The following CLCA4 variants were observed in gnomAD, a reference collection of about 807,000 sequenced individuals.
CLCA4 encodes the protein calcium-activated chloride channel regulator 4.
Under a neutral mutation model 78.9 loss-of-function variants are expected in CLCA4, and 69 were observed. The ratio of observed to expected loss-of-function variants is 0.87; its 90% CI spans 0.72 to 1.07. CLCA4 has a LOEUF of 1.07. Ranked by LOEUF, CLCA4 falls within the 50% of genes least tolerant of loss-of-function variation. CLCA4 has a pLI of 0.00. For missense variants in CLCA4, 1,133 were observed against 1,095.8 expected, an observed-to-expected ratio of 1.03 and a Z score of -0.48; for synonymous variants, 362 against 375.8, an observed-to-expected ratio of 0.96 and a Z score of 0.42.
Position 86,560,324 on chromosome 1 carries a change from A to T in CLCA4, c.414A>T (p.Leu138=). The change falls in exon 3 of 14, where the codon CTA becomes CTT. Residue 138 remains leucine (L), a synonymous_variant. Coordinates refer to ENST00000370563, the MANE Select transcript of CLCA4 (RefSeq NM_012128.4). Reference sequence around the variant, plus strand: ...ACATTCACTTCACCCCTGACCTTCTACTTGGAAAAAAACAAAATGAATATG... The same window carrying T: ...ACATTCACTTCACCCCTGACCTTCTTCTTGGAAAAAAACAAAATGAATATG... ...GEYIHFTPDL[L]LGKKQNEYGP... 1 of 1,613,922 alleles carries T rather than the reference A, an allele frequency of 6.2e-7. No individual in the cohort carries two copies. Among genetic ancestry groups the T allele is most frequent in the Non-Finnish European group, 8.5e-7 (1 of 1,179,902 alleles).
rs1650679055 is a variant in CLCA4 at position 86,580,327 on chromosome 1, T to G, written c.2742T>G (p.Ile914Met). The change falls in exon 14 of 14, where the codon ATT becomes ATG. Residue 914 changes from isoleucine to methionine, a missense_variant. Coordinates refer to ENST00000370563, the MANE Select transcript of CLCA4 (RefSeq NM_012128.4). ...VIGSVVIVNF[I>M]LSTTI ...GGTCTGTTGTAATTGTTAACTTTAT[T>G]TTAAGTACCACCATTTGAACCTTAA... 6.3e-7 allele frequency: 1 copy of G among 1,591,782 alleles called. No individual in the cohort carries two copies. The highest frequency in any genetic ancestry group is 8.5e-7 in the Non-Finnish European group (1 of 1,172,014).
intron 1 of CLCA4, among the ~76,000 whole-genome samples, chr1:86,553,776 A>T (rs1208189047): frequency 6.6e-6 from 1 of 152,096 alleles, no homozygotes; most frequent in East Asian, 1.9e-4. Flanking sequence ...CTCTACTAAA[A>T]AATACAAAAA....
chr1:86,567,390 T>C, intron 6 of CLCA4, 34 bp from the exon 7 acceptor site: 1 of 1,527,754 alleles, frequency 6.5e-7, no homozygotes, highest in Non-Finnish European at 8.9e-7. Context: ...CCAGTCAAAA[T>C]CACTTGTTTG....
At chr1:86,579,609 A>G in intron 13 of CLCA4, 22 bp downstream of exon 13, 1 of 1,235,044 alleles carries the variant, frequency 8.1e-7, no homozygotes, top group South Asian at 1.2e-5. Flanking sequence ...GTGTCATGTG[A>G]TTTTGACTTA....
chr1:86,576,735 A>G (rs1285818903), intron 11 of CLCA4, among the ~76,000 whole-genome samples: 3 of 152,030 alleles, frequency 2.0e-5, no homozygotes, highest in African/African-American at 7.2e-5. Flanking sequence ...GCCCAGAGGC[A>G]GCTAGCACTG....
chr1:86,550,489 G>A (rs1008384035), intron 1 of CLCA4, among the ~76,000 whole-genome samples: 2 of 151,924 alleles, frequency 1.3e-5, no homozygotes, highest in African/African-American at 4.8e-5. Flanking sequence ...ATTTTACAAT[G>A]TTTCCTGACA....
chr1:86,580,297 G>A lies in CLCA4; in HGVS notation c.2712G>A (p.Val904=). ...ATATTTCTACGCTGGTATTGTCTGT[G>A]ATTGGGTCTGTTGTAATTGTTAACT... is the stretch of plus-strand genomic sequence containing the variant. ...GVNISTLVLS[V]IGSVVIVNFI... The change falls in exon 14 of 14, where the codon GTG becomes GTA. Residue 904 remains valine, a synonymous_variant. Coordinates refer to ENST00000370563, the MANE Select transcript of CLCA4 (RefSeq NM_012128.4). 6.2e-7 allele frequency: 1 copy of A among 1,609,942 alleles called. No homozygotes were observed. Among genetic ancestry groups the A allele is most frequent in the Non-Finnish European group, 8.5e-7 (1 of 1,178,500 alleles).
At chr1:86,554,902 G>T (rs1389939709) in intron 1 of CLCA4, among the ~76,000 whole-genome samples, 2 of 150,732 alleles carry the variant, frequency 1.3e-5, no homozygotes, top group Non-Finnish European at 2.9e-5. Context: ...ATTCTAACTG[G>T]TATGAGATGA....
intron 1 of CLCA4, among the ~76,000 whole-genome samples, chr1:86,554,457 G>T (rs1649770377): frequency 6.6e-6 from 1 of 152,042 alleles, no homozygotes; most frequent in Non-Finnish European, 1.5e-5. Flanking sequence ...TAGAGATGGG[G>T]TTTCACCATG....
At chr1:86,556,363 T>G (rs1649843583) in intron 1 of CLCA4, among the ~76,000 whole-genome samples, 1 of 152,210 alleles carries the variant, frequency 6.6e-6, no homozygotes, top group African/African-American at 2.4e-5. Flanking sequence ...TCTCATTATT[T>G]TGAGGTATTT....
At chr1:86,552,982 T>C (rs1189245522) in intron 1 of CLCA4, 2 of 625,544 alleles carry the variant, frequency 3.2e-6, no homozygotes, top group Non-Finnish European at 5.8e-6. Context: ...AACTGAGCCC[T>C]GTGCGTGGCC....
rs750877676 is a variant in CLCA4, at chr1:86,579,429, C to A, written c.2198C>A (p.Thr733Lys). ...TQTTLEDFSR[T>K]ASGGAFVVSQ... ...ACCACCTTGGAGGATTTCAGCCGAA[C>A]AGCATCCGGAGGTGCATTTGTGGTA... The change falls in exon 13 of 14, where the codon ACA becomes AAA. Residue 733 changes from threonine to lysine, a missense_variant. Coordinates refer to ENST00000370563, the MANE Select transcript of CLCA4 (RefSeq NM_012128.4). 4 of 1,613,196 alleles carry A rather than the reference C, an allele frequency of 2.5e-6. No individual in the cohort carries two copies. In the East Asian group the frequency reaches 8.9e-5, roughly 36 times the overall value.
rs780106406 is a variant in CLCA4 at position 86,563,718 on chromosome 1, A to G, written c.506A>G (p.Asn169Ser). Residue 169 changes from asparagine to serine, a missense_variant, in exon 4 of 14, where the codon AAT becomes AGT. Physicochemically the swap from Asn to Ser is conservative, Grantham distance 46. Transcript: ENST00000370563. ...HLRWGVFDEYNEDQPFYRAKS... is the reference protein window; with the variant it reads ...HLRWGVFDEYSEDQPFYRAKS... ...CGGTGGGGAGTGTTTGATGAGTACA[A>G]TGAAGATCAGCCTTTCTACCGTGCT... The G allele has an allele frequency of 5.0e-6, 8 of 1,610,994 alleles. No individual in the cohort carries two copies. Among genetic ancestry groups the G allele is most frequent in the Non-Finnish European group, 6.8e-6 (8 of 1,178,172 alleles).
rs749920379 is a variant in CLCA4, at chr1:86,567,456, A to G, written c.987A>G (p.Ala329=). The change falls in exon 7 of 14, where the codon GCA becomes GCG. Residue 329 remains alanine (A), a synonymous_variant. Transcript: ENST00000370563. Reference sequence around the variant, plus strand: ...ACCGCCTAAATCGAATGAATCAAGCAGCAAAACATTTCCTGCTGCAGACTG... The same window carrying G: ...ACCGCCTAAATCGAATGAATCAAGCGGCAAAACATTTCCTGCTGCAGACTG... The part of the protein sequence containing the change: ...GKDRLNRMNQ[A]AKHFLLQTVE... The G allele has an allele frequency of 6.2e-7, 1 of 1,613,062 alleles. No homozygotes were observed. The highest frequency in any genetic ancestry group is 1.7e-5 in the Admixed American group (1 of 59,946).
chr1:86,549,181 G>A (rs1016841755), intron 1 of CLCA4, among the ~76,000 whole-genome samples: 13 of 152,178 alleles, frequency 8.5e-5, no homozygotes, highest in South Asian at 2.1e-4. Context: ...AATGTGGGTT[G>A]CTATTTCATG....
At chr1:86,553,233 AG>A in intron 1 of CLCA4, 1 of 1,076,644 alleles carries the variant, frequency 9.3e-7, no homozygotes, top group Non-Finnish European at 1.4e-6. Flanking sequence ...CATGTCCAAG[AG>A]GGACTGCCGC....
rs763334876 is a variant in CLCA4, at chr1:86,567,425, G to A, written c.956G>A (p.Gly319Asp). Residue 319 changes from glycine (G) to aspartate (D), a missense_variant and splice_region_variant, in exon 7 of 14, where the codon GGT (glycine) becomes GAT (aspartate). Coordinates refer to ENST00000370563, the MANE Select transcript of CLCA4 (RefSeq NM_012128.4). ...GTTTTTCTTGTCTTTTTAATCTAGG[G>A]TAAGGACCGCCTAAATCGAATGAAT... ...LVLDKSGSMG[G>D]KDRLNRMNQA... is the part of the protein sequence containing the mutation. The A allele has an allele frequency of 5.0e-6, 8 of 1,607,158 alleles. No homozygotes were observed. The East Asian group carries it at 1.1e-4, about 22-fold the overall frequency.
intron 1 of CLCA4, chr1:86,553,091 C>T: frequency 1.4e-6 from 1 of 715,278 alleles, no homozygotes; most frequent in Non-Finnish European, 2.5e-6. Context: ...GCCCACCCTG[C>T]AGCCTGGGGT....
At chr1:86,547,899 A>G (rs1309715364) in intron 1 of CLCA4, among the ~76,000 whole-genome samples, 1 of 152,228 alleles carries the variant, frequency 6.6e-6, no homozygotes, top group African/African-American at 2.4e-5. Context: ...CATCTTGGCC[A>G]TCATGAATAG....
Sources: allele counts gnomAD v4.1 joint callset (sites outside exome capture counted in the v4.1 genomes callset), GRCh38; gene constraint gnomAD v4.1.1; transcripts MANE v1.5; gene names NCBI Gene and HGNC (gene_info 2026-07-23, HGNC 2026-07-21).